Variants in SGSM1 observed in about 807,000 individuals in gnomAD.
SGSM1 encodes the protein small G protein signaling modulator 1, also known as RUN and TBC1 domain containing 2.
SGSM1 carries 73 observed loss-of-function variants against 133.8 expected under a neutral mutation model. The observed-to-expected ratio is 0.55, with a 90% CI of 0.45 to 0.66. SGSM1 has a LOEUF of 0.66. Among genes scored for constraint, SGSM1 ranks in the 30% least tolerant of loss-of-function variants. The pLI is 0.00. For missense variants in SGSM1, 1,213 were observed against 1,448.1 expected (o/e 0.84, Z 2.64); for synonymous variants, 563 against 573.0 (o/e 0.98, Z 0.25).
intron 2 of SGSM1, among the ~76,000 whole-genome samples, chr22:24,823,568 T>C (rs1040164259): frequency 5.3e-5 from 8 of 151,944 alleles, no homozygotes; most frequent in Non-Finnish European, 8.8e-5. Context: ...GCCACTGCAC[T>C]CCAGCCTGGG....
chr22:24,854,627 C>T (rs183189795), intron 5 of SGSM1, among the ~76,000 whole-genome samples: 2 of 152,262 alleles, frequency 1.3e-5, no homozygotes, highest in African/African-American at 2.4e-5. Context: ...GCCTGGGCAA[C>T]ATAATGAGAC....
chr22:24,860,920 A>ATAT (rs57042550), intron 9 of SGSM1, among the ~76,000 whole-genome samples: 82 of 63,260 alleles, frequency 1.3e-3, no homozygotes, highest in African/African-American at 4.0e-3. Context: ...AAAAAAAAAA[A>ATAT]AAATATATAT....
At chr22:24,816,648 G>A (rs940311075) in intron 2 of SGSM1, among the ~76,000 whole-genome samples, 8 of 151,924 alleles carry the variant, frequency 5.3e-5, no homozygotes, top group East Asian at 3.9e-4. Flanking sequence ...CTTGTGATCC[G>A]CCTGCCTTGG....
At chr22:24,898,958 C>T (rs557691679) in intron 19 of SGSM1, among the ~76,000 whole-genome samples, 5 of 128,754 alleles carry the variant, frequency 3.9e-5, no homozygotes, top group Admixed American at 1.0e-4. Flanking sequence ...ACCCGGGAGG[C>T]GGAGCTTGCA....
In SGSM1 at chr22:24,898,011, G is replaced by C. The variant is rs759295531; in HGVS notation, c.2062G>C (p.Glu688Gln). 6.2e-7 allele frequency: 1 copy of C among 1,611,324 alleles called. No homozygotes were observed. The highest frequency in any genetic ancestry group is 2.2e-5 in the East Asian group (1 of 44,814). The change falls in exon 19 of 25, where the codon GAA becomes CAA. Residue 688 changes from glutamate to glutamine, a missense_variant. By Grantham distance (29) the Glu-to-Gln change is conservative. Coordinates refer to ENST00000400358, the MANE Select transcript of SGSM1 (RefSeq NM_001098497.3). ...SVDEVEQVEA[E>Q]GRLEEKQPKI... Reference sequence around the variant, plus strand: ...GGATGAGGTGGAGCAGGTGGAGGCTGAAGGCAGATTGGAGGAGAAACAGCC... The same window carrying C: ...GGATGAGGTGGAGCAGGTGGAGGCTCAAGGCAGATTGGAGGAGAAACAGCC...
intron 16 of SGSM1, among the ~76,000 whole-genome samples, chr22:24,888,260 T>G (rs553129241): frequency 2.0e-5 from 3 of 152,300 alleles, no homozygotes; most frequent in Middle Eastern, 6.8e-3. Flanking sequence ...TCTAAGAAAA[T>G]TTTGCCTAGC....
intron 2 of SGSM1, among the ~76,000 whole-genome samples, chr22:24,816,035 A>T (rs1928054606): frequency 6.6e-6 from 1 of 152,190 alleles, no homozygotes; most frequent in Admixed American, 6.5e-5. Context: ...TTTCAGTGAT[A>T]CTTGGGGCAT....
At chr22:24,856,981 G>A (rs1930833437) in intron 8 of SGSM1, among the ~76,000 whole-genome samples, 2 of 151,950 alleles carry the variant, frequency 1.3e-5, no homozygotes, top group Non-Finnish European at 2.9e-5. Context: ...TGTTAGCCAG[G>A]ATGGTATCAA....
chr22:24,874,318 G>A (rs1931913728), intron 12 of SGSM1: 1 of 1,298,678 alleles, frequency 7.7e-7, no homozygotes, highest in Non-Finnish European at 1.0e-6. Context: ...GAAGGGGGAG[G>A]GTTGGAGCCC....
At chr22:24,867,877 A>T (rs1931543794) in intron 10 of SGSM1, among the ~76,000 whole-genome samples, 1 of 152,252 alleles carries the variant, frequency 6.6e-6, no homozygotes, top group Admixed American at 6.5e-5. Flanking sequence ...CTTTGGTTTT[A>T]CTATTTGTAA....
At chr22:24,808,462 T>C (rs1035393825) in intron 2 of SGSM1, among the ~76,000 whole-genome samples, 5 of 152,188 alleles carry the variant, frequency 3.3e-5, no homozygotes, top group African/African-American at 1.2e-4. Context: ...TCCTTGTCAC[T>C]TTCAGTGGAG....
intron 2 of SGSM1, among the ~76,000 whole-genome samples, chr22:24,821,963 C>G (rs1928498523): frequency 6.6e-6 from 1 of 152,052 alleles, no homozygotes. Flanking sequence ...GGGGTTCACT[C>G]TTGGTGCTGT....
intron 2 of SGSM1, chr22:24,813,537 G>A (rs1429341324): frequency 2.0e-5 from 3 of 152,200 alleles, no homozygotes; most frequent in African/African-American, 7.2e-5. Flanking sequence ...ATGCCAGGTG[G>A]GCTATTTTGG....
At chr22:24,895,397 GT>G in intron 18 of SGSM1, 106 bp downstream of exon 18, 1 of 1,171,456 alleles carries the variant, frequency 8.5e-7, no homozygotes. Flanking sequence ...TGCTTTATTT[GT>G]TTTAGCTTTT....
intron 16 of SGSM1, among the ~76,000 whole-genome samples, chr22:24,890,221 C>G (rs6004347): frequency 0.2 from 30,343 of 151,860 alleles, 5,099 homozygotes; most frequent in African/African-American, 0.46. Flanking sequence ...CTCCCAAAGT[C>G]CTGGGATTAC....
chr22:24,812,151 C>T lies in SGSM1; in HGVS notation c.63+5667C>T, dbSNP rs138543461. Among the ~76,000 whole-genome samples, 983 of 125,048 alleles carry T rather than the reference C, an allele frequency of 7.9e-3. 13 individuals are homozygous for T. The highest frequency in any genetic ancestry group is 0.029 in the African/African-American group (928 of 32,052). The allele number at this position is 125,048 out of a possible 152,430, so 82.0% of individuals were successfully genotyped here. ...CGTCACTGCACTTCAGCCTGGGTGA[C>T]AAAGCAAGACTCCGTCTCAAAAAAA... On this transcript the variant is annotated intron_variant, in intron 2 of 24. Coordinates refer to ENST00000400358, the MANE Select transcript of SGSM1 (RefSeq NM_001098497.3).
chr22:24,921,423 T>C (rs531483452), intron 24 of SGSM1, among the ~76,000 whole-genome samples: 1 of 152,134 alleles, frequency 6.6e-6, no homozygotes, highest in Non-Finnish European at 1.5e-5. Flanking sequence ...AACTACAAAA[T>C]ATATCTCAAG....
chr22:24,881,212 A>AT lies in SGSM1; in HGVS notation c.1495+1686_1495+1687insT, dbSNP rs1434341616. ...CGTCTCAAAAAAAAAAAAAAAAAAA[A>AT]GATGGAGATAATAATAGTAACTAAT... On this transcript the variant is annotated intron_variant, in intron 14 of 24. Coordinates refer to ENST00000400358, the MANE Select transcript of SGSM1 (RefSeq NM_001098497.3). Among the ~76,000 whole-genome samples, 6 of 137,636 alleles carry AT rather than the reference A, an allele frequency of 4.4e-5. 1 individual carries two copies. In the East Asian group the frequency reaches 8.6e-4, roughly 20 times the overall value. 90.3% of individuals were successfully genotyped at this position (137,636 alleles called of 152,430 possible). A position where few individuals can be genotyped will look rare whatever the true frequency, so the allele number is the denominator to read the frequency against.
intron 23 of SGSM1, among the ~76,000 whole-genome samples, chr22:24,918,031 G>A (rs898585939): frequency 1.3e-5 from 2 of 152,162 alleles, no homozygotes; most frequent in Non-Finnish European, 1.5e-5. Context: ...GCTAGGGTGA[G>A]TACAGCCAGG....
Sources: allele counts gnomAD v4.1 joint callset (sites outside exome capture counted in the v4.1 genomes callset), GRCh38; gene constraint gnomAD v4.1.1; transcripts MANE v1.5; gene names NCBI Gene and HGNC (gene_info 2026-07-23, HGNC 2026-07-21).